GAS6: variants seen among roughly 807,000 people sequenced by gnomAD.
The protein encoded by GAS6 is growth arrest specific 6, also known as growth arrest-specific protein 6.
GAS6 carries 41 observed loss-of-function variants against 75.8 expected under a neutral mutation model. The ratio of observed to expected loss-of-function variants is 0.54; its 90% confidence interval spans 0.42 to 0.70. The LOEUF (loss-of-function observed/expected upper bound fraction) is 0.70, where lower values mean the gene tolerates loss of function less well. Ranked by LOEUF, GAS6 falls within the 30% of genes least tolerant of loss-of-function variation. The probability of loss-of-function intolerance (pLI) is 0.00; values close to 1 mark genes in which losing one functional copy is unlikely to be tolerated. For missense variants in GAS6, 854 were observed against 940.2 expected (o/e 0.91, Z 1.20); for synonymous variants, 432 against 412.6 (o/e 1.05, Z -0.57).
intron 10 of GAS6, among the ~76,000 whole-genome samples, chr13:113,830,948 C>T (rs2051623160): frequency 6.6e-6 from 1 of 152,250 alleles, no homozygotes; most frequent in Non-Finnish European, 1.5e-5. Flanking sequence ...AGATACTGCT[C>T]CTTTAAGAGG....
rs932334130 is a variant in GAS6, at chr13:113,844,034, C to G, written c.343+2493G>C. 1 of 150,772 alleles carries G rather than the reference C, an allele frequency of 6.6e-6. No individual in the cohort carries two copies. Among genetic ancestry groups the G allele is most frequent in the Non-Finnish European group, 1.5e-5 (1 of 68,056 alleles). The allele number at this position is 150,772 out of a possible 1,614,324, so 9.3% of individuals were successfully genotyped here. A position where few individuals can be genotyped will look rare whatever the true frequency, so the allele number is the denominator to read the frequency against. ...TCACCGCCAGGCATCTTTTGAGGCA[C>G]GCGAACATCAGAGGCCCCAGCCACG... On this transcript the variant is annotated intron_variant, in intron 4 of 14. Coordinates refer to ENST00000327773, the MANE Select transcript of GAS6 (RefSeq NM_000820.4). This position sits in a 1 kb window ranked among gnomAD's most constrained non-coding sequence, Gnocchi z 5.7.
chr13:113,835,463 T>C, intron 7 of GAS6, 50 bp downstream of exon 7: 1 of 1,599,396 alleles, frequency 6.3e-7, no homozygotes, highest in Non-Finnish European at 8.5e-7. Context: ...GGCACCCGTG[T>C]CTAGACTTGG....
chr13:113,858,845 G>C lies in GAS6; in HGVS notation c.255+4730C>G, dbSNP rs374675050. Among the ~76,000 whole-genome samples, 128 of 115,740 alleles carry C rather than the reference G, an allele frequency of 1.1e-3. 3 individuals carry two copies. The South Asian group carries it at 0.03, about 27-fold the overall frequency. 75.9% of individuals were successfully genotyped at this position (115,740 alleles called of 152,430 possible). A position where few individuals can be genotyped will look rare whatever the true frequency, so the allele number is the denominator to read the frequency against. ...TGCATGTATGTGTACATGTCTGTTA[G>C]TATGTGTGTCATTATGCATGTGTGT... On this transcript the variant is annotated intron_variant, in intron 2 of 14. Coordinates refer to ENST00000327773, the MANE Select transcript of GAS6 (RefSeq NM_000820.4).
chr13:113,835,826 T>C, intron 6 of GAS6, 191 bp from the exon 7 acceptor site: 1 of 1,396,474 alleles, frequency 7.2e-7, no homozygotes, highest in South Asian at 1.6e-5. Flanking sequence ...TGGTGCACGC[T>C]TCTGATCAAG....
At position 113,828,654 on chromosome 13, in the gene GAS6, T is replaced by C; in HGVS notation, c.1201A>G (p.Met401Val). ...AAGTCCCCGGCCACCGCGATTTTCA[T>C]GACAGCATCCCTGTTGACCTTGATG... ...LVIKVNRDAVMKIAVAGDLFQ... is the reference protein window; with the variant it reads ...LVIKVNRDAVVKIAVAGDLFQ... The change falls in exon 11 of 15, where the codon ATG (methionine) becomes GTG (valine). Residue 401 changes from methionine (M) to valine (V), a missense_variant. Transcript: ENST00000327773. 1 of 1,613,634 alleles carries C rather than the reference T, an allele frequency of 6.2e-7. No individual in the cohort carries two copies. The highest frequency in any genetic ancestry group is 8.5e-7 in the Non-Finnish European group (1 of 1,180,008).
rs763061345 is a variant in GAS6, at chr13:113,832,299, T to C, written c.1143A>G (p.Thr381=). The change falls in exon 10 of 15, where the codon ACA becomes ACG. Residue 381 remains threonine (T), a splice_region_variant and synonymous_variant. Coordinates refer to ENST00000327773, the MANE Select transcript of GAS6 (RefSeq NM_000820.4). ...GPVINHGMWQ[T]ISVEELARNL... ...GAAGGGGTGGCTGCCGCACACTCAC[T>C]GTCTGCCACATGCCATGGTTGATGA... The C allele has an allele frequency of 6.3e-7, 1 of 1,597,400 alleles. No homozygotes were observed. The highest frequency in any genetic ancestry group is 8.5e-7 in the Non-Finnish European group (1 of 1,179,598).
chr13:113,863,871 TGCGGCGC>T lies in GAS6; in HGVS notation c.43_49del (p.Ala15SerfsTer77), dbSNP rs2051994622. ...CGCGGCCAGCAGCAGCAGCAGCAGC[TGCGGCGC>T]GCGGCGCAGGGCGGCGGGCCCGGGC... On this transcript the variant is annotated frameshift_variant, in exon 1 of 15. Coordinates refer to ENST00000327773, the MANE Select transcript of GAS6 (RefSeq NM_000820.4). LOFTEE classifies it high-confidence loss of function. This position sits in a 1 kb window ranked among gnomAD's most constrained non-coding sequence, Gnocchi z 9.4. 2.4e-6 allele frequency: 3 copies of T among 1,229,932 alleles called. No individual in the cohort carries two copies. Among genetic ancestry groups the T allele is most frequent in the Non-Finnish European group, 3.0e-6 (3 of 988,866 alleles). 76.2% of individuals were successfully genotyped at this position (1,229,932 alleles called of 1,614,324 possible). A position where few individuals can be genotyped will look rare whatever the true frequency, so the allele number is the denominator to read the frequency against.
rs149588435 is a variant in GAS6 at position 113,822,034 on chromosome 13, C to T, written c.1806G>A (p.Ala602=). The change falls in exon 14 of 15, where the codon GCG becomes GCA. Residue 602 remains alanine, a synonymous_variant. Transcript: ENST00000327773. The stretch of plus-strand genomic sequence containing the variant: ...GCACGGCCAGCCTCTCCTGCAGCTG[C>T]GCGGCGCTCACCTCGCTCTGGCCCC... ...GTRGQSEVSA[A]QLQERLAVLE... 3,720 of 1,573,092 alleles carry T rather than the reference C, an allele frequency of 2.4e-3. 9 individuals are homozygous for T. The highest frequency in any genetic ancestry group is 2.6e-3 in the South Asian group (219 of 85,766).
chr13:113,861,849 G>A (rs997593100), intron 2 of GAS6, among the ~76,000 whole-genome samples: 2 of 152,242 alleles, frequency 1.3e-5, no homozygotes, highest in African/African-American at 4.8e-5. Flanking sequence ...GGGCTGGGAA[G>A]GAGGGCAGAA....
At position 113,845,825 on chromosome 13, in the gene GAS6, A is replaced by G. The variant is rs2051829492; in HGVS notation, c.343+702T>C. On this transcript the variant is annotated intron_variant, in intron 4 of 14. Coordinates refer to ENST00000327773, the MANE Select transcript of GAS6 (RefSeq NM_000820.4). This position sits in a 1 kb window ranked among gnomAD's most constrained non-coding sequence, Gnocchi z 4.3. ...GAAGAGATCAAAAGTTTAAAAAAAC[A>G]GTTCATTCACCCCTGCAGGGGCGGA... is the stretch of plus-strand genomic sequence containing the variant. 2 of 152,012 alleles carry G rather than the reference A, an allele frequency of 1.3e-5. No individual in the cohort carries two copies. Among genetic ancestry groups the G allele is most frequent in the African/African-American group, 2.4e-5 (1 of 41,376 alleles). The allele number at this position is 152,012 out of a possible 1,614,324, so 9.4% of individuals were successfully genotyped here.
chr13:113,857,465 G>C (rs1370834083), intron 2 of GAS6, among the ~76,000 whole-genome samples: 1 of 152,196 alleles, frequency 6.6e-6, no homozygotes, highest in Admixed American at 6.5e-5. Context: ...CCATGGAAGA[G>C]TCCAGAGCAT....
rs1171730115 is a variant in GAS6 at position 113,843,163 on chromosome 13, TCCACCTCCCTGACCCCCGC to T, written c.344-3332_344-3314del. On this transcript the variant is annotated intron_variant, in intron 4 of 14. Transcript: ENST00000327773. ...GAGGGCACCCACTTCCCTGACCCCGTCCACCTCCCTGACCCCCGCCCACCTCCCTGATCCCCATCCCGCA... is the reference window on the plus strand; with the variant it reads ...GAGGGCACCCACTTCCCTGACCCCGTCCACCTCCCTGATCCCCATCCCGCA... 2.2e-5 allele frequency: 6 copies of T among 275,258 alleles called. 1 individual carries two copies. Among genetic ancestry groups the T allele is most frequent in the South Asian group, 1.7e-4 (1 of 5,954 alleles). The allele number at this position is 275,258 out of a possible 1,614,324, so 17.1% of individuals were successfully genotyped here. A position where few individuals can be genotyped will look rare whatever the true frequency, so the allele number is the denominator to read the frequency against.
At chr13:113,851,083 ATGGATGAGTGGG>A (rs2051869914) in intron 2 of GAS6, among the ~76,000 whole-genome samples, 1 of 152,126 alleles carries the variant, frequency 6.6e-6, no homozygotes, top group Non-Finnish European at 1.5e-5. Context: ...GAATGAGTGG[ATGGATGAGTGGG>A]TGGATGAAAG....
At chr13:113,834,864 C>A in intron 7 of GAS6, 192 bp from the exon 8 acceptor site, 1 of 486,068 alleles carries the variant, frequency 2.1e-6, no homozygotes. Flanking sequence ...CTGCTCCTGC[C>A]CGGGCTCTTT....
intron 3 of GAS6, chr13:113,846,910 C>T (rs781169054): frequency 1.9e-5 from 9 of 471,130 alleles, no homozygotes; most frequent in Admixed American, 5.3e-5. Context: ...TGACGGTACT[C>T]GAAAAGCTAA....
intron 2 of GAS6, among the ~76,000 whole-genome samples, chr13:113,857,852 G>T (rs1165134347): frequency 6.6e-6 from 1 of 152,258 alleles, no homozygotes; most frequent in Non-Finnish European, 1.5e-5. Flanking sequence ...CTCTGAGAAA[G>T]CCCCGGAGGA....
chr13:113,845,309 CCTT>C lies in GAS6; in HGVS notation c.343+1215_343+1217del, dbSNP rs1230017500. ...GAGCGGGACTGAGCCACCTCTGACT[CCTT>C]CTGCTGACTGGGATCCAGCTCCAAA... On this transcript the variant is annotated intron_variant, in intron 4 of 14. Coordinates refer to ENST00000327773, the MANE Select transcript of GAS6 (RefSeq NM_000820.4). This position sits in a 1 kb window ranked among gnomAD's most constrained non-coding sequence, Gnocchi z 4.3. 2 of 150,262 alleles carry C rather than the reference CCTT, an allele frequency of 1.3e-5. No homozygotes were observed. Among genetic ancestry groups the C allele is most frequent in the Non-Finnish European group, 2.9e-5 (2 of 68,026 alleles). The allele number at this position is 150,262 out of a possible 1,614,324, so 9.3% of individuals were successfully genotyped here. A position where few individuals can be genotyped will look rare whatever the true frequency, so the allele number is the denominator to read the frequency against.
chr13:113,841,563 A>ACCCCACAGTTTCCTCCATACG (rs1594202948), intron 4 of GAS6: 1 of 110,562 alleles, frequency 9.0e-6, no homozygotes, highest in Non-Finnish European at 1.9e-5. Flanking sequence ...TCCTCCATAC[A>ACCCCACAGTTTCCTCCATACG]CCCCACAGTT....
At chr13:113,850,804 G>A (rs911165773) in intron 2 of GAS6, among the ~76,000 whole-genome samples, 3 of 151,752 alleles carry the variant, frequency 2.0e-5, no homozygotes, top group Admixed American at 2.0e-4. Flanking sequence ...GTGAATGGAT[G>A]AATGACTGAA....
Sources: allele counts gnomAD v4.1 joint callset (sites outside exome capture counted in the v4.1 genomes callset), GRCh38; gene constraint gnomAD v4.1.1; non-coding constraint Gnocchi (gnomAD v3.1); transcripts MANE v1.5; gene names NCBI Gene and HGNC (gene_info 2026-07-23, HGNC 2026-07-21).